Variants in DCC observed in about 807,000 individuals in gnomAD.
The protein encoded by DCC is netrin receptor DCC.
In DCC, 58 loss-of-function variants were observed where a neutral mutation model predicts 172.5. That is an observed-to-expected ratio of 0.34 (90% CI 0.27 to 0.42). DCC has a LOEUF of 0.42. DCC is among the 10% of genes least tolerant of loss of function. DCC has a pLI of 1.00. For synonymous variants in DCC, 709 were observed against 644.5 expected (o/e 1.10, Z -1.52); for missense variants, 1,740 against 1,791.0 (o/e 0.97, Z 0.51).
chr18:53,414,168 A>G (rs1910158318), intron 20 of DCC, among the ~76,000 whole-genome samples: 1 of 152,220 alleles, frequency 6.6e-6, no homozygotes, highest in African/African-American at 2.4e-5. Context: ...GACAAGGTAC[A>G]AGATTTCATA....
chr18:52,877,264 C>T (rs564106185), intron 2 of DCC, among the ~76,000 whole-genome samples: 18 of 152,072 alleles, frequency 1.2e-4, no homozygotes, highest in South Asian at 2.1e-4. Flanking sequence ...ATTACAAGCC[C>T]GTCCCTTGTT....
intron 16 of DCC, among the ~76,000 whole-genome samples, chr18:53,386,500 C>T (rs1191586147): frequency 6.6e-6 from 1 of 152,174 alleles, no homozygotes; most frequent in Non-Finnish European, 1.5e-5. Context: ...TCAATGCCAT[C>T]TTTGTCCCTG....
At chr18:52,435,052 C>T (rs1598815784) in intron 1 of DCC, among the ~76,000 whole-genome samples, 1 of 152,282 alleles carries the variant, frequency 6.6e-6, no homozygotes, top group Non-Finnish European at 1.5e-5. Context: ...TGTTTCCAGA[C>T]TTGAGTTTGT....
At chr18:52,405,468 G>C (rs1986608217) in intron 1 of DCC, among the ~76,000 whole-genome samples, 1 of 149,742 alleles carries the variant, frequency 6.7e-6, no homozygotes, top group South Asian at 2.1e-4. Flanking sequence ...CTTCTTTTGA[G>C]AAGTGTCTGT....
rs541508219 is a variant in DCC, at chr18:53,514,181, C to T, written c.4112-12436C>T. Among the ~76,000 whole-genome samples the T allele has an allele frequency of 4.4e-3, 672 of 152,230 alleles. 10 individuals carry two copies. Among genetic ancestry groups the T allele is most frequent in the Middle Eastern group, 0.014 (4 of 294 alleles). Reference sequence around the variant, plus strand: ...ACCGCTCAACTACATGGAAACTGAACAACCTGCTCCTGAATGACTATTGGG... The same window carrying T: ...ACCGCTCAACTACATGGAAACTGAATAACCTGCTCCTGAATGACTATTGGG... On this transcript the variant is annotated intron_variant, in intron 27 of 28. Transcript: ENST00000442544.
intron 22 of DCC, among the ~76,000 whole-genome samples, chr18:53,436,591 A>G (rs901525153): frequency 3.9e-5 from 6 of 152,266 alleles, no homozygotes; most frequent in African/African-American, 9.6e-5. Context: ...GCTTGCATCA[A>G]AGACTTAGGG....
At chr18:52,704,228 T>TAAC (rs942882742) in intron 1 of DCC, among the ~76,000 whole-genome samples, 10 of 152,148 alleles carry the variant, frequency 6.6e-5, no homozygotes, top group Non-Finnish European at 1.3e-4. Flanking sequence ...ATTTGTCATC[T>TAAC]AACACTGAAG....
intron 21 of DCC, among the ~76,000 whole-genome samples, chr18:53,432,335 AATAT>A (rs1478384586): frequency 1.3e-5 from 2 of 152,154 alleles, no homozygotes; most frequent in Non-Finnish European, 2.9e-5. Context: ...ATCCATGTCT[AATAT>A]ATCTTTTTAT....
At chr18:52,603,884 C>A (rs534333247) in intron 1 of DCC, among the ~76,000 whole-genome samples, 1 of 49,294 alleles carries the variant, frequency 2.0e-5, no homozygotes, top group South Asian at 3.8e-4. Flanking sequence ...TTTTTCCTCT[C>A]ATTTTATGTA....
intron 12 of DCC, among the ~76,000 whole-genome samples, chr18:53,244,617 A>G (rs1598941653): frequency 6.6e-6 from 1 of 151,974 alleles, no homozygotes; most frequent in Non-Finnish European, 1.5e-5. Context: ...TTTGTCGGGA[A>G]CTCATTTGGG....
chr18:53,458,010 A>G lies in DCC; in HGVS notation c.3393-1222A>G, dbSNP rs138587821. On this transcript the variant is annotated intron_variant, in intron 23 of 28. Transcript: ENST00000442544. ...ATCATCGGAAAACCAAAGCCACTCC[A>G]ATGACTTTGCACAGGTTACAGGTGT... Among the ~76,000 whole-genome samples, 8 of 152,296 alleles carry G rather than the reference A, an allele frequency of 5.3e-5. No individual in the cohort carries two copies. In the East Asian group the frequency reaches 1.4e-3, roughly 26 times the overall value.
At chr18:53,495,335 G>A (rs1459629832) in intron 26 of DCC, among the ~76,000 whole-genome samples, 3 of 143,774 alleles carry the variant, frequency 2.1e-5, no homozygotes, top group African/African-American at 7.8e-5. Context: ...AGGTTGCAGT[G>A]AGCCAAGATC....
At chr18:53,118,406 C>T (rs929319881) in intron 7 of DCC, among the ~76,000 whole-genome samples, 1 of 151,614 alleles carries the variant, frequency 6.6e-6, no homozygotes, top group Non-Finnish European at 1.5e-5. Flanking sequence ...ATAAAGAAAC[C>T]TCATTTGAGT....
intron 1 of DCC, among the ~76,000 whole-genome samples, chr18:52,420,452 C>A (rs758405987): frequency 6.6e-6 from 1 of 152,142 alleles, no homozygotes; most frequent in African/African-American, 2.4e-5. Context: ...CAGAATACCA[C>A]AATGAGTGTT....
At chr18:53,238,387 C>T (rs2056235416) in intron 12 of DCC, among the ~76,000 whole-genome samples, 1 of 152,110 alleles carries the variant, frequency 6.6e-6, no homozygotes, top group African/African-American at 2.4e-5. Flanking sequence ...CACAATGAGA[C>T]ATTAATCTTT....
intron 1 of DCC, among the ~76,000 whole-genome samples, chr18:52,435,738 C>A (rs915845664): frequency 2.0e-5 from 3 of 152,192 alleles, no homozygotes; most frequent in Admixed American, 2.0e-4. Flanking sequence ...GGCATGTTCA[C>A]TAAGAGGCAC....
intron 2 of DCC, among the ~76,000 whole-genome samples, chr18:52,892,031 G>A (rs2039657509): frequency 6.6e-6 from 1 of 152,054 alleles, no homozygotes; most frequent in African/African-American, 2.4e-5. Flanking sequence ...TAAAGTGGTG[G>A]ATGACATCTG....
intron 2 of DCC, among the ~76,000 whole-genome samples, chr18:52,885,768 A>T (rs1171781202): frequency 6.6e-6 from 1 of 152,012 alleles, no homozygotes; most frequent in Non-Finnish European, 1.5e-5. Flanking sequence ...AATGTGCTGG[A>T]TCACATCTGA....
At chr18:53,521,568 A>G (rs886438894) in intron 27 of DCC, among the ~76,000 whole-genome samples, 33 of 152,292 alleles carry the variant, frequency 2.2e-4, no homozygotes, top group African/African-American at 7.7e-4. Flanking sequence ...ATATTCTAAA[A>G]GAATCTTTAC....
Sources: gnomAD v4.1 joint callset for allele counts (sites outside exome capture counted in the v4.1 genomes callset) on GRCh38, gnomAD v4.1.1 for gene constraint, MANE v1.5 for transcripts, NCBI Gene and HGNC (gene_info 2026-07-23, HGNC 2026-07-21) for gene names.